ZBTB7C: variants seen among roughly 807,000 people sequenced by gnomAD.
ZBTB7C encodes zinc finger and BTB domain-containing protein 7C.
In ZBTB7C, 8 loss-of-function variants were observed where a neutral mutation model predicts 25.7. The ratio of observed to expected loss-of-function variants is 0.31; its 90% CI spans 0.18 to 0.56. The LOEUF (loss-of-function observed/expected upper bound fraction) is 0.56, where lower values mean the gene tolerates loss of function less well. Among genes scored for constraint, ZBTB7C ranks in the 20% least tolerant of loss-of-function variants. ZBTB7C has a pLI of 0.91. For missense variants in ZBTB7C, 824 were observed against 855.2 expected, an observed-to-expected ratio of 0.96 and a Z score of 0.46; for synonymous variants, 394 against 369.0, an observed-to-expected ratio of 1.07 and a Z score of -0.78.
intron 2 of ZBTB7C, among the ~76,000 whole-genome samples, chr18:48,238,782 G>C (rs767456858): frequency 5.3e-5 from 8 of 152,204 alleles, no homozygotes; most frequent in Non-Finnish European, 1.0e-4. Context: ...GGGCAGAATG[G>C]GGGTGAGGTG....
Position 48,245,711 on chromosome 18 carries a change from G to C in ZBTB7C, c.-78-59716C>G, listed in dbSNP as rs140137627. Reference sequence around the variant, plus strand: ...GGACATCCAAACAGAAGAGAGGATGGGGGAATTCCTAGAATGCTAGAGCCG... The same window carrying C: ...GGACATCCAAACAGAAGAGAGGATGCGGGAATTCCTAGAATGCTAGAGCCG... On this transcript the variant is annotated intron_variant, in intron 2 of 4. Coordinates refer to ENST00000590800, the MANE Select transcript of ZBTB7C (RefSeq NM_001318841.2). Among the ~76,000 whole-genome samples, 231 of 152,222 alleles carry C rather than the reference G, an allele frequency of 1.5e-3. 6 individuals are homozygous for C. In the South Asian group the frequency reaches 0.043, roughly 28 times the overall value.
intron 3 of ZBTB7C, among the ~76,000 whole-genome samples, chr18:48,176,616 CGTGTGTGTGT>C (rs10533963): frequency 4.0e-5 from 6 of 149,642 alleles, no homozygotes; most frequent in South Asian, 2.1e-4. Flanking sequence ...AGGAAATACA[CGTGTGTGTGT>C]GTGTGTGTGT....
chr18:48,121,771 G>C (rs2039638108), intron 3 of ZBTB7C, among the ~76,000 whole-genome samples: 1 of 152,224 alleles, frequency 6.6e-6, no homozygotes, highest in South Asian at 2.1e-4. Context: ...AAGGGCTTAG[G>C]AGAGAGGCTG....
chr18:48,090,358 A>C (rs762666910), intron 3 of ZBTB7C, among the ~76,000 whole-genome samples: 28 of 152,336 alleles, frequency 1.8e-4, no homozygotes, highest in Non-Finnish European at 2.6e-4. Context: ...TCGCTATCAA[A>C]GGGAATTCTT....
At chr18:48,152,096 A>T (rs2040697543) in intron 3 of ZBTB7C, among the ~76,000 whole-genome samples, 1 of 152,064 alleles carries the variant, frequency 6.6e-6, no homozygotes, top group Non-Finnish European at 1.5e-5. Flanking sequence ...GCTTCAGTGC[A>T]CACCTAATCA....
chr18:48,133,401 G>A (rs533710193), intron 3 of ZBTB7C, among the ~76,000 whole-genome samples: 65 of 152,314 alleles, frequency 4.3e-4, no homozygotes, highest in African/African-American at 1.5e-3. Flanking sequence ...TCTAAACACA[G>A]GATCAAGATG....
intron 2 of ZBTB7C, among the ~76,000 whole-genome samples, chr18:48,222,729 T>C (rs755145265): frequency 2.0e-5 from 3 of 152,140 alleles, no homozygotes; most frequent in Non-Finnish European, 4.4e-5. Context: ...ATGACTGATA[T>C]GAGACCATTA....
intron 1 of ZBTB7C, among the ~76,000 whole-genome samples, chr18:48,350,269 C>T (rs969204951): frequency 1.3e-5 from 2 of 152,140 alleles, no homozygotes; most frequent in South Asian, 2.1e-4. Context: ...TAGGGAGGAA[C>T]ATCTCCTTGC....
chr18:48,277,213 T>C (rs2044687147), intron 2 of ZBTB7C, among the ~76,000 whole-genome samples: 2 of 144,752 alleles, frequency 1.4e-5, no homozygotes, highest in Non-Finnish European at 3.0e-5. Context: ...ACAGGCAACC[T>C]ACAAAATGGG....
At position 48,276,570 on chromosome 18, in the gene ZBTB7C, G is replaced by A. The variant is rs532539787; in HGVS notation, c.-79+61604C>T. Among the ~76,000 whole-genome samples the A allele has an allele frequency of 7.7e-4, 84 of 108,874 alleles. No individual in the cohort carries two copies. The Middle Eastern group carries it at 0.012, about 15-fold the overall frequency. 71.4% of individuals were successfully genotyped at this position (108,874 alleles called of 152,430 possible). ...GCGGTGTTTGGTTTTTTGTTCTTGC[G>A]ATAGTTTACTGAGAATGATGGTTTC... is the stretch of plus-strand genomic sequence containing the variant. On this transcript the variant is annotated intron_variant, in intron 2 of 4. Coordinates refer to ENST00000590800, the MANE Select transcript of ZBTB7C (RefSeq NM_001318841.2).
At chr18:48,138,722 C>T (rs2040249976) in intron 3 of ZBTB7C, among the ~76,000 whole-genome samples, 1 of 152,136 alleles carries the variant, frequency 6.6e-6, no homozygotes, top group African/African-American at 2.4e-5. Flanking sequence ...CCAGGTACTC[C>T]CGGAACACCC....
intron 3 of ZBTB7C, among the ~76,000 whole-genome samples, chr18:48,092,919 G>A (rs1005111496): frequency 1.3e-5 from 2 of 152,174 alleles, no homozygotes; most frequent in African/African-American, 2.4e-5. Flanking sequence ...CTTGCTTGCC[G>A]AAGGAAAGCC....
chr18:48,327,107 G>A (rs1444497733), intron 2 of ZBTB7C, among the ~76,000 whole-genome samples: 1 of 152,114 alleles, frequency 6.6e-6, no homozygotes, highest in African/African-American at 2.4e-5. Flanking sequence ...GAGAAAGCCC[G>A]GTCTGCTGGG....
chr18:48,179,676 C>A, intron 3 of ZBTB7C, among the ~76,000 whole-genome samples: 1 of 29,018 alleles, frequency 3.4e-5, no homozygotes, highest in East Asian at 1.1e-3. Context: ...TTTCTCTCTC[C>A]TTCCTTCCTT....
intron 1 of ZBTB7C, among the ~76,000 whole-genome samples, chr18:48,363,176 C>T (rs1245840323): frequency 6.6e-6 from 1 of 151,772 alleles, no homozygotes; most frequent in African/African-American, 2.4e-5. Flanking sequence ...AGTGCTATTG[C>T]TGTTGAGGTT....
chr18:48,309,551 T>C (rs2045761377), intron 2 of ZBTB7C, among the ~76,000 whole-genome samples: 1 of 152,172 alleles, frequency 6.6e-6, no homozygotes, highest in Admixed American at 6.5e-5. Context: ...ATCTCATTCG[T>C]GAGGGAATTT....
At chr18:48,039,787 T>C in intron 4 of ZBTB7C, 113 bp downstream of exon 4, 1 of 1,107,408 alleles carries the variant, frequency 9.0e-7, no homozygotes, top group Non-Finnish European at 1.3e-6. Flanking sequence ...CGAGCCTGCA[T>C]GTGTGTGGGA....
chr18:48,041,961 C>A (rs1321045784), intron 3 of ZBTB7C, among the ~76,000 whole-genome samples: 3 of 152,166 alleles, frequency 2.0e-5, no homozygotes, highest in East Asian at 1.9e-4. Context: ...TTCTGAGACA[C>A]CTTATCATTG....
chr18:48,280,025 C>A (rs991838334), intron 2 of ZBTB7C, among the ~76,000 whole-genome samples: 2 of 152,172 alleles, frequency 1.3e-5, no homozygotes, highest in East Asian at 1.9e-4. Context: ...ATGTGCCAGG[C>A]ACTGTGCAAG....
Sources: allele counts gnomAD v4.1 joint callset (sites outside exome capture counted in the v4.1 genomes callset), GRCh38; gene constraint gnomAD v4.1.1; transcripts MANE v1.5; gene names NCBI Gene and HGNC (gene_info 2026-07-23, HGNC 2026-07-21).